Variants in PAIP1 observed in about 807,000 individuals in gnomAD.
PAIP1 encodes the protein polyadenylate-binding protein-interacting protein 1.
In PAIP1, 16 loss-of-function variants were observed where a neutral mutation model predicts 61.3. The observed-to-expected ratio is 0.26, with a 90% CI of 0.18 to 0.40. PAIP1 has a LOEUF of 0.40. Ranked by LOEUF, PAIP1 falls within the 10% of genes least tolerant of loss-of-function variation. The probability of loss-of-function intolerance (pLI) is 1.00; values close to 1 mark genes in which losing one functional copy is unlikely to be tolerated. For synonymous variants in PAIP1, 187 were observed against 226.2 expected (o/e 0.83, Z 1.56); for missense variants, 416 against 600.9 (o/e 0.69, Z 3.22).
chr5:43,550,469 T>C (rs1394648528), intron 2 of PAIP1, among the ~76,000 whole-genome samples: 8 of 152,054 alleles, frequency 5.3e-5, no homozygotes, highest in Non-Finnish European at 1.0e-4. Flanking sequence ...AAATGAATGA[T>C]AAAAAGCTGT....
At chr5:43,533,098 T>C (rs1375309042) in intron 9 of PAIP1, among the ~76,000 whole-genome samples, 1 of 152,148 alleles carries the variant, frequency 6.6e-6, no homozygotes, top group Non-Finnish European at 1.5e-5. Context: ...CTAAAAAAAC[T>C]TCTCTGTGCT....
Position 43,555,954 on chromosome 5 carries a change from A to AT in PAIP1, c.310dup (p.Ile104AsnfsTer12), listed in dbSNP as rs1748043085. 6.2e-7 allele frequency: 1 copy of AT among 1,613,752 alleles called. No homozygotes were observed. The highest frequency in any genetic ancestry group is 8.5e-7 in the Non-Finnish European group (1 of 1,179,948). On this transcript the variant is annotated frameshift_variant, in exon 2 of 11. Coordinates refer to ENST00000306846, the MANE Select transcript of PAIP1 (RefSeq NM_006451.5). LOFTEE classifies it high-confidence loss of function. ...TGCTGACTCCGAGTTCTGCTGTGGG[A>AT]TTTTATCCTGTGAACTAGGTGGAGC... is the stretch of plus-strand genomic sequence containing the variant.
In PAIP1 at chr5:43,551,997, G is replaced by A. The variant is rs1747884337; in HGVS notation, c.435+3833C>T. Among the ~76,000 whole-genome samples, 2 of 152,134 alleles carry A rather than the reference G, an allele frequency of 1.3e-5. 1 individual carries two copies. Among genetic ancestry groups the A allele is most frequent in the South Asian group, 4.1e-4 (2 of 4,830 alleles). On this transcript the variant is annotated intron_variant, in intron 2 of 10. Coordinates refer to ENST00000306846, the MANE Select transcript of PAIP1 (RefSeq NM_006451.5). ...ACAAATTTCTTCAGTCTTCAATGTGGAGTCAAATGGCTTCCAAACAGAGAT... is the reference window on the plus strand; with the variant it reads ...ACAAATTTCTTCAGTCTTCAATGTGAAGTCAAATGGCTTCCAAACAGAGAT...
At chr5:43,548,193 C>A (rs543901131) in intron 2 of PAIP1, among the ~76,000 whole-genome samples, 1 of 152,270 alleles carries the variant, frequency 6.6e-6, no homozygotes, top group South Asian at 2.1e-4. Context: ...ACCAATATTT[C>A]ACTACAATGC....
chr5:43,545,193 T>C (rs1018835203), intron 3 of PAIP1, among the ~76,000 whole-genome samples: 16 of 152,240 alleles, frequency 1.1e-4, no homozygotes, highest in Admixed American at 6.5e-5. Context: ...ACAGCATGTG[T>C]GCTCATCTTA....
chr5:43,533,404 G>T (rs187156642), intron 9 of PAIP1, among the ~76,000 whole-genome samples: 1 of 152,114 alleles, frequency 6.6e-6, no homozygotes, highest in East Asian at 1.9e-4. Flanking sequence ...AACTAGAATC[G>T]TCTTTCCCCT....
chr5:43,538,693 G>A (rs763240998), intron 5 of PAIP1, among the ~76,000 whole-genome samples: 1 of 152,136 alleles, frequency 6.6e-6, no homozygotes, highest in African/African-American at 2.4e-5. Flanking sequence ...CTAAAAGTAC[G>A]CAGATTTTTA....
chr5:43,532,307 T>C (rs1236493742), intron 9 of PAIP1, among the ~76,000 whole-genome samples: 1 of 152,110 alleles, frequency 6.6e-6, no homozygotes, highest in Non-Finnish European at 1.5e-5. Context: ...AATTTAAGTG[T>C]AGTATTGGCA....
At chr5:43,529,485 C>A (rs1038019790) in intron 10 of PAIP1, among the ~76,000 whole-genome samples, 4 of 152,020 alleles carry the variant, frequency 2.6e-5, no homozygotes, top group African/African-American at 9.7e-5. Context: ...CTCACTGCAA[C>A]CTCTGCCTTC....
At chr5:43,556,553 G>A (rs766627992) in intron 1 of PAIP1, 29 bp downstream of exon 1, 420 of 1,245,946 alleles carry the variant, frequency 3.4e-4, no homozygotes, top group Middle Eastern at 1.6e-3. Flanking sequence ...TCGCCAAGGA[G>A]GACTGGGGCC....
intron 1 of PAIP1, chr5:43,556,304 C>T: frequency 8.0e-7 from 1 of 1,247,162 alleles, no homozygotes; most frequent in Non-Finnish European, 1.0e-6. Context: ...CTTTAGAGGG[C>T]TGCTGAGGGG....
chr5:43,541,364 G>C lies in PAIP1; in HGVS notation c.734+1640C>G, dbSNP rs201846141. Among the ~76,000 whole-genome samples the C allele has an allele frequency of 5.8e-5, 8 of 138,606 alleles. No individual in the cohort carries two copies. In the East Asian group the frequency reaches 1.7e-3, roughly 29 times the overall value. 90.9% of individuals were successfully genotyped at this position (138,606 alleles called of 152,430 possible). On this transcript the variant is annotated intron_variant, in intron 4 of 10. Coordinates refer to ENST00000306846, the MANE Select transcript of PAIP1 (RefSeq NM_006451.5). ...AGATGAGGTTTCACCATGTTAGCCA[G>C]GATGGCCTCAATCTCCTGAACTCGT...
intron 7 of PAIP1, 28 bp from the exon 8 acceptor site, chr5:43,534,998 T>C: frequency 8.1e-7 from 1 of 1,233,380 alleles, no homozygotes; most frequent in East Asian, 2.3e-5. Flanking sequence ...AATGAGTTAG[T>C]GTATCCACCA....
chr5:43,542,867 T>TA (rs1463070700), intron 4 of PAIP1, 137 bp downstream of exon 4: 15 of 484,510 alleles, frequency 3.1e-5, no homozygotes, highest in African/African-American at 2.4e-4. Flanking sequence ...TACTGAACTA[T>TA]AAACTTCAAA....
At chr5:43,542,235 A>T (rs991516900) in intron 4 of PAIP1, among the ~76,000 whole-genome samples, 7 of 150,544 alleles carry the variant, frequency 4.6e-5, no homozygotes, top group Non-Finnish European at 1.0e-4. Flanking sequence ...AGATATTTTT[A>T]AAAATGATAG....
intron 2 of PAIP1, among the ~76,000 whole-genome samples, chr5:43,549,336 A>AC (rs1268347583): frequency 6.6e-6 from 1 of 152,080 alleles, no homozygotes; most frequent in Non-Finnish European, 1.5e-5. Context: ...CTAAATCTCA[A>AC]CTTGAATTGT....
At chr5:43,536,289 A>G (rs144388411) in intron 6 of PAIP1, among the ~76,000 whole-genome samples, 23 of 152,338 alleles carry the variant, frequency 1.5e-4, no homozygotes, top group Non-Finnish European at 3.4e-4. Context: ...TTTAACCTAC[A>G]AAAGTATCTG....
At chr5:43,544,239 C>T (rs1561234774) in intron 3 of PAIP1, among the ~76,000 whole-genome samples, 1 of 151,344 alleles carries the variant, frequency 6.6e-6, no homozygotes, top group East Asian at 1.9e-4. Context: ...TCCTGCTACC[C>T]CTCTGACTCT....
In PAIP1 at chr5:43,555,949, G is replaced by C. The variant is rs1165971006; in HGVS notation, c.316C>G (p.Gln106Glu). The change falls in exon 2 of 11, where the codon CAG becomes GAG. Residue 106 changes from glutamine to glutamate, a missense_variant. Around this residue, in one of 4 missense-constraint regions of PAIP1, gnomAD observed 180 missense variants for 211.2 expected, o/e 0.85. Coordinates refer to ENST00000306846, the MANE Select transcript of PAIP1 (RefSeq NM_006451.5). ...APPSSQDKIP[Q>E]QNSESAMAKP... ...GCCATTGCTGACTCCGAGTTCTGCTGTGGGATTTTATCCTGTGAACTAGGT... is the reference window on the plus strand; with the variant it reads ...GCCATTGCTGACTCCGAGTTCTGCTCTGGGATTTTATCCTGTGAACTAGGT... The C allele has an allele frequency of 1.2e-6, 2 of 1,614,050 alleles. No homozygotes were observed. Among genetic ancestry groups the C allele is most frequent in the South Asian group, 2.2e-5 (2 of 91,082 alleles).
Sources: gnomAD v4.1 joint callset for allele counts (sites outside exome capture counted in the v4.1 genomes callset) on GRCh38, gnomAD v4.1.1 for gene constraint, gnomAD v4.1.1 regional missense constraint, MANE v1.5 for transcripts, NCBI Gene and HGNC (gene_info 2026-07-23, HGNC 2026-07-21) for gene names.